The following LY6K variants were observed in gnomAD, a reference collection of about 807,000 sequenced individuals.
LY6K encodes the protein lymphocyte antigen 6K.
LY6K carries 9 observed loss-of-function variants against 10.4 expected under a neutral mutation model. That is an observed-to-expected ratio of 0.87 (90% CI 0.52 to 1.52). The LOEUF (loss-of-function observed/expected upper bound fraction) is 1.52. LY6K is among the 40% of genes most tolerant of loss of function. LY6K has a pLI of 0.00. For synonymous variants in LY6K, 98 were observed against 83.7 expected (o/e 1.17, Z -0.94); for missense variants, 217 against 211.7 (o/e 1.02, Z -0.15).
rs781866149 is a variant in LY6K at position 142,700,504 on chromosome 8, C to T, written c.-24C>T. On this transcript the variant is annotated 5_prime_UTR_variant, in exon 1 of 3. Transcript: ENST00000292430. Reference sequence around the variant, plus strand: ...CGGGGAGGGGGCGCCGCGCGCTGACCCTCCCTGGGCACCGCTGGGGACGAT... The same window carrying T: ...CGGGGAGGGGGCGCCGCGCGCTGACTCTCCCTGGGCACCGCTGGGGACGAT... The T allele has an allele frequency of 1.3e-6, 2 of 1,560,800 alleles. No individual in the cohort carries two copies. The highest frequency in any genetic ancestry group is 1.4e-5 in the African/African-American group (1 of 71,288).
Position 142,703,156 on chromosome 8 carries a change from C to A in LY6K, c.283C>A (p.Pro95Thr), listed in dbSNP as rs1815110669. ...CSAGCAAMERPKPEEKRFLLE... is the reference protein window; with the variant it reads ...CSAGCAAMERTKPEEKRFLLE... The stretch of plus-strand genomic sequence containing the variant: ...CGCTGGTTGTGCAGCGATGGAGAGA[C>A]CCAAGCCAGAGGAGAAGCGGTTTCT... The change falls in exon 3 of 3, where the codon CCC becomes ACC. Residue 95 changes from proline (P) to threonine (T), a missense_variant. Coordinates refer to ENST00000292430, the MANE Select transcript of LY6K (RefSeq NM_017527.4). 1 of 1,614,106 alleles carries A rather than the reference C, an allele frequency of 6.2e-7. No homozygotes were observed. Among genetic ancestry groups the A allele is most frequent in the Middle Eastern group, 1.6e-4 (1 of 6,080 alleles).
In LY6K at chr8:142,701,730, T is replaced by A. The variant is rs1554640188; in HGVS notation, c.217+17T>A. On this transcript the variant is annotated intron_variant, in intron 2 of 2. Coordinates refer to ENST00000292430, the MANE Select transcript of LY6K (RefSeq NM_017527.4). ...CGGCCGTGAGTGAGTATCTTCGCTC[T>A]TGTTGGGGACCCAAAGGCAGGTGAA... The A allele has an allele frequency of 3.4e-5, 53 of 1,560,158 alleles. No homozygotes were observed. Among genetic ancestry groups the A allele is most frequent in the Non-Finnish European group, 4.6e-5 (52 of 1,132,864 alleles).
Position 142,700,122 on chromosome 8 carries a change from G to C in LY6K, c.-406G>C, listed in dbSNP as rs587737163. 5.9e-6 allele frequency: 1 copy of C among 169,078 alleles called. No individual in the cohort carries two copies. The highest frequency in any genetic ancestry group is 2.4e-5 in the African/African-American group (1 of 41,204). 10.5% of individuals were successfully genotyped at this position (169,078 alleles called of 1,614,324 possible). On this transcript the variant is annotated 5_prime_UTR_variant, in exon 1 of 3. Coordinates refer to ENST00000292430, the MANE Select transcript of LY6K (RefSeq NM_017527.4). Reference sequence around the variant, plus strand: ...AGCTATTCAGGGGCGAGTTATCAGAGGTGAGCCCGTGCTCTTCAGCGGAGA... The same window carrying C: ...AGCTATTCAGGGGCGAGTTATCAGACGTGAGCCCGTGCTCTTCAGCGGAGA...
Position 142,703,272 on chromosome 8 carries a change from C to T in LY6K, c.399C>T (p.Phe133=), listed in dbSNP as rs1815117629. 2 of 1,614,000 alleles carry T rather than the reference C, an allele frequency of 1.2e-6. No individual in the cohort carries two copies. Among genetic ancestry groups the T allele is most frequent in the East Asian group, 2.2e-5 (1 of 44,890 alleles). The change falls in exon 3 of 3, where the codon TTC becomes TTT. Residue 133 remains phenylalanine (F), a synonymous_variant. Coordinates refer to ENST00000292430, the MANE Select transcript of LY6K (RefSeq NM_017527.4). The part of the protein sequence containing the change: ...LEGPPINSSV[F]KEYAGSMGES... Reference sequence around the variant, plus strand: ...GGCCACCTATCAACTCATCAGTGTTCAAAGAATATGCTGGGAGCATGGGTG... The same window carrying T: ...GGCCACCTATCAACTCATCAGTGTTTAAAGAATATGCTGGGAGCATGGGTG...
intron 2 of LY6K, 29 bp downstream of exon 2, chr8:142,701,742 C>G (rs894683807): frequency 1.3e-6 from 2 of 1,485,590 alleles, no homozygotes; most frequent in African/African-American, 1.4e-5. Flanking sequence ...GTTGGGGACC[C>G]AAAGGCAGGT....
chr8:142,702,557 C>A, intron 2 of LY6K: 1 of 1,535,724 alleles, frequency 6.5e-7, no homozygotes, highest in Middle Eastern at 1.7e-4. Flanking sequence ...TCCAGCCCTT[C>A]GGTATCCACG....
chr8:142,703,039 T>A (rs1004014929), intron 2 of LY6K, 52 bp from the exon 3 acceptor site: 2 of 1,605,972 alleles, frequency 1.2e-6, no homozygotes, highest in Non-Finnish European at 1.7e-6. Context: ...GGCCTCGGTG[T>A]CAGGCATTGG....
chr8:142,703,237 AATTTAGAGGGGCCACCT>A lies in LY6K; in HGVS notation c.367_383del (p.Leu123GlnfsTer14). On this transcript the variant is annotated frameshift_variant, in exon 3 of 3. Transcript: ENST00000292430. LOFTEE classifies it low-confidence loss of function (END_TRUNC). ...CAAGTGTTGTAAAATTCGCTACTGCAATTTAGAGGGGCCACCTATCAACTCATCAGTGTTCAAAGAAT... is the reference window on the plus strand; with the variant it reads ...CAAGTGTTGTAAAATTCGCTACTGCAATCAACTCATCAGTGTTCAAAGAAT... 2.5e-6 allele frequency: 4 copies of A among 1,614,188 alleles called. No individual in the cohort carries two copies. The highest frequency in any genetic ancestry group is 3.4e-6 in the Non-Finnish European group (4 of 1,180,022).
chr8:142,701,768 A>G (rs782524341), intron 2 of LY6K, 55 bp downstream of exon 2: 2 of 1,144,112 alleles, frequency 1.7e-6, no homozygotes, highest in Non-Finnish European at 2.6e-6. Context: ...GAGGGCTTTC[A>G]GGAATCAGGG....
In LY6K at chr8:142,700,419, C is replaced by G. The variant is rs1178704407; in HGVS notation, c.-109C>G. 3 of 1,371,622 alleles carry G rather than the reference C, an allele frequency of 2.2e-6. No individual in the cohort carries two copies. The highest frequency in any genetic ancestry group is 2.8e-6 in the Non-Finnish European group (3 of 1,064,288). 85.0% of individuals were successfully genotyped at this position (1,371,622 alleles called of 1,614,324 possible). On this transcript the variant is annotated 5_prime_UTR_variant, in exon 1 of 3. Transcript: ENST00000292430. ...GGCGCGCGCCCCGGGGCGGGCGGGGCTCCCCCTACCGGCCAGACCCGGGGA... is the reference window on the plus strand; with the variant it reads ...GGCGCGCGCCCCGGGGCGGGCGGGGGTCCCCCTACCGGCCAGACCCGGGGA...
Position 142,700,365 on chromosome 8 carries a change from AAGACCCCGAC to A in LY6K, c.-160_-151del. ...CGCGAGGCCCTGAGATGAGGCTCCAAAGACCCCGACAGGCCCCGGCGGGTGGGAGGCGCGC... is the reference window on the plus strand; with the variant it reads ...CGCGAGGCCCTGAGATGAGGCTCCAAAGGCCCCGGCGGGTGGGAGGCGCGC... On this transcript the variant is annotated 5_prime_UTR_variant, in exon 1 of 3. Transcript: ENST00000292430. 7.5e-7 allele frequency: 1 copy of A among 1,331,602 alleles called. No homozygotes were observed. The highest frequency in any genetic ancestry group is 9.6e-7 in the Non-Finnish European group (1 of 1,044,458). 82.5% of individuals were successfully genotyped at this position (1,331,602 alleles called of 1,614,324 possible).
At chr8:142,702,716 C>T in intron 2 of LY6K, 1 of 1,495,596 alleles carries the variant, frequency 6.7e-7, no homozygotes, top group Non-Finnish European at 8.9e-7. Flanking sequence ...GAGCCAGGCC[C>T]ACCAAGAGGC....
Position 142,700,242 on chromosome 8 carries a change from T to C in LY6K, c.-286T>C, listed in dbSNP as rs1293696050. On this transcript the variant is annotated 5_prime_UTR_variant, in exon 1 of 3. Coordinates refer to ENST00000292430, the MANE Select transcript of LY6K (RefSeq NM_017527.4). The stretch of plus-strand genomic sequence containing the variant: ...CAGGGGCTGCGTTTCCACACGCGCC[T>C]TTCCCAGGGCTCCCGCGCCCGTTCC... The C allele has an allele frequency of 3.1e-6, 3 of 980,244 alleles. No homozygotes were observed. The highest frequency in any genetic ancestry group is 3.9e-6 in the Non-Finnish European group (3 of 774,812). 60.7% of individuals were successfully genotyped at this position (980,244 alleles called of 1,614,324 possible). A position where few individuals can be genotyped will look rare whatever the true frequency, so the allele number is the denominator to read the frequency against.
chr8:142,703,674 C>T lies in LY6K; in HGVS notation c.*303C>T, dbSNP rs587695782. Reference sequence around the variant, plus strand: ...TCTTTTCCTTGACTCCCCTCTGCCTCTGAGGGCTTCAGTATTGATGGGGAG... The same window carrying T: ...TCTTTTCCTTGACTCCCCTCTGCCTTTGAGGGCTTCAGTATTGATGGGGAG... On this transcript the variant is annotated 3_prime_UTR_variant, in exon 3 of 3. Coordinates refer to ENST00000292430, the MANE Select transcript of LY6K (RefSeq NM_017527.4). 7.1e-5 allele frequency: 27 copies of T among 380,094 alleles called. No individual in the cohort carries two copies. The highest frequency in any genetic ancestry group is 6.4e-4 in the South Asian group (19 of 29,858). The allele number at this position is 380,094 out of a possible 1,614,324, so 23.5% of individuals were successfully genotyped here. A position where few individuals can be genotyped will look rare whatever the true frequency, so the allele number is the denominator to read the frequency against.
chr8:142,701,956 C>T (rs1221578073), intron 2 of LY6K: 22 of 422,504 alleles, frequency 5.2e-5, no homozygotes, highest in South Asian at 2.4e-4. Context: ...ATTATGGATG[C>T]GCGCCACCAC....
intron 1 of LY6K, 109 bp downstream of exon 1, chr8:142,700,739 TCAGGCGGCCC>T: frequency 8.5e-7 from 1 of 1,180,400 alleles, no homozygotes; most frequent in African/African-American, 1.6e-5. Flanking sequence ...AACGGAGCGT[TCAGGCGGCCC>T]GTGGCGCCTG....
chr8:142,700,757 C>T (rs1338745080), intron 1 of LY6K, 127 bp downstream of exon 1: 4 of 1,000,118 alleles, frequency 4.0e-6, no homozygotes, highest in East Asian at 3.4e-5. Context: ...CCCGTGGCGC[C>T]TGGAAGCCTC....
Position 142,701,722 on chromosome 8 carries a change from C to T in LY6K, c.217+9C>T. The T allele has an allele frequency of 1.9e-6, 3 of 1,590,842 alleles. No individual in the cohort carries two copies. Among genetic ancestry groups the T allele is most frequent in the South Asian group, 2.2e-5 (2 of 90,146 alleles). Reference sequence around the variant, plus strand: ...CGTTATAGCGGCCGTGAGTGAGTATCTTCGCTCTTGTTGGGGACCCAAAGG... The same window carrying T: ...CGTTATAGCGGCCGTGAGTGAGTATTTTCGCTCTTGTTGGGGACCCAAAGG... On this transcript the variant is annotated intron_variant, in intron 2 of 2. Coordinates refer to ENST00000292430, the MANE Select transcript of LY6K (RefSeq NM_017527.4).
intron 1 of LY6K, 137 bp downstream of exon 1, chr8:142,700,767 CTG>C: frequency 4.3e-6 from 4 of 938,230 alleles, no homozygotes; most frequent in Non-Finnish European, 5.8e-6. Flanking sequence ...CTGGAAGCCT[CTG>C]GGGAGCCTCG....
Sources: allele counts gnomAD v4.1 joint callset, GRCh38; gene constraint gnomAD v4.1.1; transcripts MANE v1.5; gene names NCBI Gene and HGNC (gene_info 2026-07-23, HGNC 2026-07-21).